MAML2: variants seen among roughly 807,000 people sequenced by gnomAD.
MAML2 encodes the protein mastermind-like protein 2.
MAML2 carries 22 observed loss-of-function variants against 96.1 expected under a neutral mutation model. That is an observed-to-expected ratio of 0.23 (90% CI 0.16 to 0.33). MAML2 has a LOEUF of 0.33. Among genes scored for constraint, MAML2 ranks in the 10% least tolerant of loss-of-function variants. The pLI is 1.00. For missense variants in MAML2, 1,367 were observed against 1,392.4 expected, an observed-to-expected ratio of 0.98 and a Z score of 0.29; for synonymous variants, 561 against 521.3, an observed-to-expected ratio of 1.08 and a Z score of -1.04.
chr11:96,069,920 G>T (rs1369567627), intron 2 of MAML2, among the ~76,000 whole-genome samples: 1 of 151,754 alleles, frequency 6.6e-6, no homozygotes, highest in East Asian at 1.9e-4. Context: ...CTACTTAGGA[G>T]GCTGAGGCAG....
chr11:96,046,177 A>C (rs1373743502), intron 2 of MAML2, among the ~76,000 whole-genome samples: 1 of 151,878 alleles, frequency 6.6e-6, no homozygotes, highest in Non-Finnish European at 1.5e-5. Context: ...GATTCTGACC[A>C]GCGCAGGTGA....
At chr11:96,089,315 A>C (rs1463181993) in intron 2 of MAML2, among the ~76,000 whole-genome samples, 1 of 152,190 alleles carries the variant, frequency 6.6e-6, no homozygotes. Context: ...ATGTATATCA[A>C]ATACAAGTTG....
At chr11:96,219,302 A>G (rs747675542) in intron 1 of MAML2, among the ~76,000 whole-genome samples, 2 of 152,214 alleles carry the variant, frequency 1.3e-5, no homozygotes, top group Non-Finnish European at 2.9e-5. Context: ...TTTCAATCTA[A>G]GCACTTTCGG....
At chr11:96,170,902 G>C (rs973413857) in intron 1 of MAML2, among the ~76,000 whole-genome samples, 16 of 152,274 alleles carry the variant, frequency 1.1e-4, no homozygotes, top group African/African-American at 3.8e-4. Context: ...TTTTAGCAGA[G>C]ATTGGGTTTC....
At chr11:96,229,986 A>C (rs1438995335) in intron 1 of MAML2, among the ~76,000 whole-genome samples, 1 of 152,202 alleles carries the variant, frequency 6.6e-6, no homozygotes, top group Non-Finnish European at 1.5e-5. Flanking sequence ...TTATTATTAA[A>C]CTTAACACCA....
intron 2 of MAML2, among the ~76,000 whole-genome samples, chr11:96,076,430 TCTCACACACACACACACACACA>T (rs1423163903): frequency 1.5e-5 from 2 of 136,444 alleles, no homozygotes; most frequent in Non-Finnish European, 3.0e-5. Flanking sequence ...TCTCTCTCTC[TCTCACACACACACACACACACA>T]CACACACACA....
In MAML2 at chr11:96,093,303, G is replaced by A. The variant is rs766016288; in HGVS notation, c.728C>T (p.Thr243Ile). ...LPMSQAPLRKTNTLPSHTHSP... is the reference protein window; with the variant it reads ...LPMSQAPLRKINTLPSHTHSP... ...ATGTGTATGGGATGGCAGAGTGTTA[G>A]TCTTTCGCAGGGGTGCTTGGCTCAT... The change falls in exon 2 of 5, where the codon ACT (threonine) becomes ATT (isoleucine). Residue 243 changes from threonine to isoleucine, a missense_variant. Transcript: ENST00000524717. 16 of 1,613,904 alleles carry A rather than the reference G, an allele frequency of 9.9e-6. 1 individual carries two copies. The highest frequency in any genetic ancestry group is 2.7e-5 in the African/African-American group (2 of 74,930).
At chr11:96,323,113 A>T (rs1026515211) in intron 1 of MAML2, among the ~76,000 whole-genome samples, 8 of 151,900 alleles carry the variant, frequency 5.3e-5, no homozygotes, top group Non-Finnish European at 1.0e-4. Flanking sequence ...TGGTTTAAAA[A>T]AAAAAAAAAG....
At chr11:96,022,253 C>T (rs1456188723) in intron 2 of MAML2, among the ~76,000 whole-genome samples, 1 of 152,188 alleles carries the variant, frequency 6.6e-6, no homozygotes, top group East Asian at 1.9e-4. Flanking sequence ...ACAATGATCT[C>T]CATCGCTAGC....
chr11:96,106,695 C>A (rs1860026765), intron 1 of MAML2, among the ~76,000 whole-genome samples: 1 of 152,178 alleles, frequency 6.6e-6, no homozygotes, highest in South Asian at 2.1e-4. Context: ...CTGTTTATTT[C>A]ATTTGCCTTT....
chr11:96,246,442 T>C (rs1173541648), intron 1 of MAML2, among the ~76,000 whole-genome samples: 7 of 152,104 alleles, frequency 4.6e-5, no homozygotes, highest in Non-Finnish European at 1.0e-4. Flanking sequence ...CAAGGCATCA[T>C]CAAGCACAGT....
In MAML2 at chr11:95,980,103, T is replaced by G. The variant is rs1857713772; in HGVS notation, c.2456-140A>C. 4.3e-6 allele frequency: 3 copies of G among 693,744 alleles called. No homozygotes were observed. The South Asian group carries it at 5.9e-5, about 14-fold the overall frequency. The allele number at this position is 693,744 out of a possible 1,614,324, so 43.0% of individuals were successfully genotyped here. A position where few individuals can be genotyped will look rare whatever the true frequency, so the allele number is the denominator to read the frequency against. ...CGAAATAATGATCAAATAAATTATA[T>G]AAAAGGAACAAGACAGCTCTTAGGA... On this transcript the variant is annotated intron_variant, in intron 4 of 4. Coordinates refer to ENST00000524717, the MANE Select transcript of MAML2 (RefSeq NM_032427.4).
intron 2 of MAML2, among the ~76,000 whole-genome samples, chr11:96,079,391 T>C (rs1859497675): frequency 6.6e-6 from 1 of 152,168 alleles, no homozygotes; most frequent in South Asian, 2.1e-4. Flanking sequence ...GCAAATTCCT[T>C]GAGGGCAAGG....
chr11:96,192,492 T>C (rs1278468520), intron 1 of MAML2, among the ~76,000 whole-genome samples: 8 of 152,222 alleles, frequency 5.3e-5, no homozygotes, highest in African/African-American at 1.9e-4. Flanking sequence ...CCAAGGATGC[T>C]TCCAATCATA....
At position 96,083,207 on chromosome 11, in the gene MAML2, C is replaced by G. The variant is rs540398904; in HGVS notation, c.2139+8685G>C. 7.9e-5 allele frequency among the ~76,000 whole-genome samples: 12 copies of G among 152,268 alleles called. No individual in the cohort carries two copies. The South Asian group carries it at 2.5e-3, about 32-fold the overall frequency. On this transcript the variant is annotated intron_variant, in intron 2 of 4. Transcript: ENST00000524717. The stretch of plus-strand genomic sequence containing the variant: ...CTACTAGAGTGACTTTTCTACAAAG[C>G]AATTTTGATTCACTGACATTCAATG...
intron 1 of MAML2, among the ~76,000 whole-genome samples, chr11:96,250,890 T>C (rs1315925550): frequency 1.3e-5 from 2 of 152,222 alleles, no homozygotes; most frequent in Non-Finnish European, 1.5e-5. Context: ...TTCTCCATCT[T>C]GAAAGCCTCT....
chr11:96,171,364 T>A (rs1204837997), intron 1 of MAML2, among the ~76,000 whole-genome samples: 1 of 152,160 alleles, frequency 6.6e-6, no homozygotes, highest in Non-Finnish European at 1.5e-5. Context: ...CAAGACTCCA[T>A]CCAGTATGGG....
At chr11:96,161,701 T>C (rs546849426) in intron 1 of MAML2, among the ~76,000 whole-genome samples, 1 of 152,378 alleles carries the variant, frequency 6.6e-6, no homozygotes, top group Non-Finnish European at 1.5e-5. Flanking sequence ...GTCCTGAGTT[T>C]ACTCCACAAC....
intron 2 of MAML2, among the ~76,000 whole-genome samples, chr11:96,059,532 T>C (rs1473288318): frequency 5.9e-5 from 9 of 152,204 alleles, no homozygotes; most frequent in Admixed American, 5.2e-4. Context: ...AAAACTATCC[T>C]ATTTCGTGTA....
Sources: allele counts gnomAD v4.1 joint callset (sites outside exome capture counted in the v4.1 genomes callset), GRCh38; gene constraint gnomAD v4.1.1; transcripts MANE v1.5; gene names NCBI Gene and HGNC (gene_info 2026-07-23, HGNC 2026-07-21).